Variants in ASCL3 observed in about 807,000 individuals in gnomAD.
ASCL3 encodes the protein achaete-scute homolog 3.
A neutral mutation model predicts 2.3 loss-of-function variants in ASCL3; 1 was observed. The observed-to-expected ratio is 0.44, with a 90% confidence interval of 0.16 to 2.10. The LOEUF (loss-of-function observed/expected upper bound fraction) is 2.10, where lower values mean the gene tolerates loss of function less well. Ranked by LOEUF, ASCL3 falls within the 30% of genes most tolerant of loss-of-function variation. The probability of loss-of-function intolerance (pLI) is 0.28; values close to 1 mark genes in which losing one functional copy is unlikely to be tolerated. For synonymous variants in ASCL3, 98 were observed against 88.5 expected, an observed-to-expected ratio of 1.11 and a Z score of -0.60; for missense variants, 243 against 229.0, an observed-to-expected ratio of 1.06 and a Z score of -0.40.
intron 1 of ASCL3, among the ~76,000 whole-genome samples, chr11:8,942,277 C>A (rs775844952): frequency 1.2e-4 from 18 of 152,156 alleles, no homozygotes; most frequent in Middle Eastern, 3.4e-3. Flanking sequence ...TAAATATGAT[C>A]ACCTTTTATT....
intron 1 of ASCL3, among the ~76,000 whole-genome samples, chr11:8,942,417 G>A (rs1336872739): frequency 1.3e-5 from 2 of 152,102 alleles, no homozygotes; most frequent in Non-Finnish European, 1.5e-5. Flanking sequence ...TTAAAAGAAA[G>A]CAACACAGAT....
At chr11:8,940,008 T>A (rs1445564789) in intron 1 of ASCL3, among the ~76,000 whole-genome samples, 4 of 152,080 alleles carry the variant, frequency 2.6e-5, no homozygotes, top group Non-Finnish European at 5.9e-5. Context: ...GGTGGTGTTT[T>A]GTTCTGTCAG....
Position 8,938,027 on chromosome 11 carries a change from C to T in ASCL3, c.135G>A (p.Val45=), listed in dbSNP as rs2064688683. ...GCAGCTCCTCAGAGTAAGGGGATGA[C>T]ACCGGGGCCTCTGGGTGCACGTGGA... ...VTFHVHPEAP[V]SSPYSEELPR... The change falls in exon 2 of 2, where the codon GTG becomes GTA. Residue 45 remains valine (V), a synonymous_variant. Coordinates refer to ENST00000531618, the MANE Select transcript of ASCL3 (RefSeq NM_020646.3). 1 of 1,614,012 alleles carries T rather than the reference C, an allele frequency of 6.2e-7. No homozygotes were observed.
chr11:8,938,177 C>T lies in ASCL3; in HGVS notation c.-12-4G>A, dbSNP rs367803112. The T allele has an allele frequency of 2.9e-5, 45 of 1,562,638 alleles. No homozygotes were observed. In the Middle Eastern group the frequency reaches 2.2e-3, roughly 78 times the overall value. ...TGTCCATCATTTCCTCTTTAACCTG[C>T]AAACATAACCAAGTTTAACAATGTG... On this transcript the variant is annotated splice_polypyrimidine_tract_variant and splice_region_variant and intron_variant, in intron 1 of 1. Transcript: ENST00000531618.
At chr11:8,942,066 C>G (rs576944627) in intron 1 of ASCL3, among the ~76,000 whole-genome samples, 8 of 152,200 alleles carry the variant, frequency 5.3e-5, no homozygotes, top group African/African-American at 1.7e-4. Flanking sequence ...CCCTAAAAGA[C>G]CATTTAAACA....
chr11:8,938,302 T>C (rs2064690455), intron 1 of ASCL3, 129 bp from the exon 2 acceptor site: 3 of 801,004 alleles, frequency 3.7e-6, no homozygotes, highest in African/African-American at 1.7e-5. Flanking sequence ...CAGGCTGGAG[T>C]GCAGTGGCGT....
rs375916322 is a variant in ASCL3 at position 8,937,875 on chromosome 11, C to T, written c.287G>A (p.Arg96Gln). 3.3e-5 allele frequency: 54 copies of T among 1,613,970 alleles called. No individual in the cohort carries two copies. The East Asian group carries it at 3.8e-4, about 11-fold the overall frequency. ...CTGCCTTTCCCGCTCATTCCTTTTC[C>T]GGGTGAAGGCTGGCCCGTAGGAGTA... Reference protein sequence around the residue: ...CEYSYGPAFTRKRNERERQRV... With the variant: ...CEYSYGPAFTQKRNERERQRV... Residue 96 changes from arginine to glutamine, a missense_variant, in exon 2 of 2, where the codon CGG becomes CAG. Transcript: ENST00000531618.
At chr11:8,940,383 T>C (rs764272781) in intron 1 of ASCL3, among the ~76,000 whole-genome samples, 14 of 152,138 alleles carry the variant, frequency 9.2e-5, no homozygotes, top group Non-Finnish European at 1.5e-4. Context: ...TCTATATCCT[T>C]CTCCTGTTTT....
intron 1 of ASCL3, among the ~76,000 whole-genome samples, chr11:8,938,747 A>G: frequency 6.6e-6 from 1 of 151,732 alleles, no homozygotes; most frequent in Non-Finnish European, 1.5e-5. Context: ...GGTTATAAAG[A>G]TACAACCTTA....
At position 8,937,615 on chromosome 11, in the gene ASCL3, C is replaced by A; in HGVS notation, c.*1G>T. The A allele has an allele frequency of 1.2e-6, 2 of 1,600,566 alleles. No individual in the cohort carries two copies. The highest frequency in any genetic ancestry group is 1.7e-6 in the Non-Finnish European group (2 of 1,171,844). On this transcript the variant is annotated 3_prime_UTR_variant, in exon 2 of 2. Transcript: ENST00000531618. ...ATTCATTTCTATTTGGAAACAGCAA[C>A]TCAAACAATTCTGAACATAGGGTCA... is the stretch of plus-strand genomic sequence containing the variant.
chr11:8,941,748 A>G (rs1171059713), intron 1 of ASCL3, among the ~76,000 whole-genome samples: 2 of 152,170 alleles, frequency 1.3e-5, no homozygotes, highest in Non-Finnish European at 2.9e-5. Flanking sequence ...AAGATAACTA[A>G]CAAAACAAAA....
Position 8,937,892 on chromosome 11 carries a change from G to A in ASCL3, c.270C>T (p.Tyr90=), listed in dbSNP as rs181379245. 3.7e-5 allele frequency: 60 copies of A among 1,614,104 alleles called. 1 individual carries two copies. The highest frequency in any genetic ancestry group is 9.9e-5 in the South Asian group (9 of 91,084). The part of the protein sequence containing the change: ...YPNYRGCEYS[Y]GPAFTRKRNE... ...TCCTTTTCCGGGTGAAGGCTGGCCC[G>A]TAGGAGTACTCGCACCCTCTGTAAT... is the stretch of plus-strand genomic sequence containing the variant. The change falls in exon 2 of 2, where the codon TAC becomes TAT. Residue 90 remains tyrosine, a synonymous_variant. Transcript: ENST00000531618.
intron 1 of ASCL3, among the ~76,000 whole-genome samples, chr11:8,940,418 G>T (rs1284659302): frequency 6.6e-6 from 1 of 152,046 alleles, no homozygotes; most frequent in Non-Finnish European, 1.5e-5. Flanking sequence ...TTTTGCCTCT[G>T]CCTGTAATCA....
intron 1 of ASCL3, among the ~76,000 whole-genome samples, chr11:8,942,387 T>C (rs920827432): frequency 1.3e-5 from 2 of 152,092 alleles, no homozygotes; most frequent in African/African-American, 2.4e-5. Context: ...GATGTGTTTG[T>C]AGGAATTGAG....
At chr11:8,942,326 A>G (rs1443827350) in intron 1 of ASCL3, among the ~76,000 whole-genome samples, 1 of 152,178 alleles carries the variant, frequency 6.6e-6, no homozygotes, top group Non-Finnish European at 1.5e-5. Flanking sequence ...GAGAAAATGA[A>G]ATAAAATGCA....
chr11:8,939,569 G>T (rs749091946), intron 1 of ASCL3, among the ~76,000 whole-genome samples: 12 of 152,086 alleles, frequency 7.9e-5, no homozygotes, highest in Non-Finnish European at 1.8e-4. Flanking sequence ...AAATCTACTT[G>T]AGTAAGAAAC....
chr11:8,937,981 C>T lies in ASCL3; in HGVS notation c.181G>A (p.Asp61Asn), dbSNP rs371923127. 39 of 1,613,830 alleles carry T rather than the reference C, an allele frequency of 2.4e-5. 1 individual carries two copies. In the African/African-American group the frequency reaches 3.6e-4, roughly 15 times the overall value. The stretch of plus-strand genomic sequence containing the variant: ...CTGTAATTTCCCAGGATAAGAGAGT[C>T]GCTGGGAAAAGGCAGCCGTGGCAGC... ...EELPRLPFPS[D>N]SLILGNYSEP... The change falls in exon 2 of 2, where the codon GAC becomes AAC. Residue 61 changes from aspartate to asparagine, a missense_variant. By Grantham distance (23) the Asp-to-Asn change is conservative. Transcript: ENST00000531618.
intron 1 of ASCL3, among the ~76,000 whole-genome samples, chr11:8,938,379 A>G (rs2064691010): frequency 6.6e-6 from 1 of 151,776 alleles, no homozygotes; most frequent in Admixed American, 6.6e-5. Context: ...CCTCCCGAGT[A>G]GCTTGGGATT....
Position 8,942,701 on chromosome 11 carries a change from C to T in ASCL3, c.-13+285G>A, listed in dbSNP as rs560583796. On this transcript the variant is annotated intron_variant, in intron 1 of 1. Transcript: ENST00000531618. Reference sequence around the variant, plus strand: ...AGAGCTAGAAGGAAACTTAAAACTTCCTCATAGGTTGTGATATGTTGCTAA... The same window carrying T: ...AGAGCTAGAAGGAAACTTAAAACTTTCTCATAGGTTGTGATATGTTGCTAA... Among the ~76,000 whole-genome samples, 253 of 152,266 alleles carry T rather than the reference C, an allele frequency of 1.7e-3. 3 individuals are homozygous for T. The highest frequency in any genetic ancestry group is 0.015 in the South Asian group (73 of 4,824).
Sources: gnomAD v4.1 joint callset for allele counts (sites outside exome capture counted in the v4.1 genomes callset) on GRCh38, gnomAD v4.1.1 for gene constraint, MANE v1.5 for transcripts, NCBI Gene and HGNC (gene_info 2026-07-23, HGNC 2026-07-21) for gene names.